Variants in BIRC6 observed in about 807,000 individuals in gnomAD.
The protein encoded by BIRC6 is dual E2 ubiquitin-conjugating enzyme/E3 ubiquitin-protein ligase BIRC6.
A neutral mutation model predicts 503.3 loss-of-function variants in BIRC6; 98 were observed. The observed-to-expected ratio is 0.19, with a 90% CI of 0.17 to 0.23. The LOEUF (loss-of-function observed/expected upper bound fraction) is 0.23, where lower values mean the gene tolerates loss of function less well. BIRC6 is among the 10% of genes least tolerant of loss of function. The pLI, the probability that BIRC6 is intolerant of heterozygous loss-of-function variation, is 1.00. For missense variants in BIRC6, 5,360 were observed against 5,806.0 expected, an observed-to-expected ratio of 0.92 and a Z score of 2.50; for synonymous variants, 2,240 against 2,078.7, an observed-to-expected ratio of 1.08 and a Z score of -2.11.
At chr2:32,418,913 A>C (rs1417367394) in intron 10 of BIRC6, among the ~76,000 whole-genome samples, 1 of 152,124 alleles carries the variant, frequency 6.6e-6, no homozygotes, top group African/African-American at 2.4e-5. Flanking sequence ...GCGTCACTTC[A>C]CTCCAGCCTA....
intron 45 of BIRC6, among the ~76,000 whole-genome samples, chr2:32,496,455 C>G (rs185654071): frequency 2.6e-5 from 4 of 152,130 alleles, no homozygotes; most frequent in African/African-American, 9.7e-5. Flanking sequence ...AACTCCTGGC[C>G]TCAAGAGATC....
chr2:32,460,191 G>A (rs1336086820), intron 23 of BIRC6, among the ~76,000 whole-genome samples: 3 of 119,618 alleles, frequency 2.5e-5, no homozygotes, highest in East Asian at 4.8e-4. Flanking sequence ...TATCTCATAT[G>A]TGATATATAT....
At chr2:32,428,427 T>C (rs1275225171) in intron 10 of BIRC6, among the ~76,000 whole-genome samples, 1 of 152,218 alleles carries the variant, frequency 6.6e-6, no homozygotes, top group African/African-American at 2.4e-5. Context: ...AACTGGACGC[T>C]CTCCATCAAT....
intron 50 of BIRC6, among the ~76,000 whole-genome samples, chr2:32,507,563 T>C (rs1304255862): frequency 3.9e-5 from 6 of 152,346 alleles, no homozygotes; most frequent in East Asian, 1.9e-4. Context: ...ATTACATTTT[T>C]CCCCAAATTA....
chr2:32,405,977 T>A (rs1265807644), intron 8 of BIRC6, among the ~76,000 whole-genome samples: 1 of 152,248 alleles, frequency 6.6e-6, no homozygotes, highest in East Asian at 1.9e-4. Flanking sequence ...TAGGCATTTA[T>A]TTAATGATTT....
intron 33 of BIRC6, among the ~76,000 whole-genome samples, chr2:32,474,490 G>T (rs1035311934): frequency 2.6e-5 from 4 of 152,132 alleles, no homozygotes; most frequent in South Asian, 4.1e-4. Flanking sequence ...GGGACAGTTG[G>T]CAAAACTTAA....
At chr2:32,435,918 A>G (rs564951710) in intron 14 of BIRC6, 135 bp from the exon 15 acceptor site, 4 of 543,624 alleles carry the variant, frequency 7.4e-6, no homozygotes, top group Non-Finnish European at 1.2e-5. Flanking sequence ...TTAGCATGAC[A>G]ATTCTTATTT....
At chr2:32,608,020 T>C (rs900031167) in intron 72 of BIRC6, among the ~76,000 whole-genome samples, 1 of 149,244 alleles carries the variant, frequency 6.7e-6, no homozygotes, top group African/African-American at 2.5e-5. Context: ...AAATATAGTT[T>C]GTTAGTATTC....
chr2:32,468,300 A>AT (rs2048772883), intron 28 of BIRC6, 137 bp from the exon 29 acceptor site: 1 of 941,056 alleles, frequency 1.1e-6, no homozygotes, highest in South Asian at 1.8e-5. Flanking sequence ...GGCTCCATTT[A>AT]TTAGTACCTA....
intron 41 of BIRC6, 136 bp downstream of exon 41, chr2:32,487,937 T>G: frequency 1.4e-6 from 1 of 694,648 alleles, no homozygotes; most frequent in Non-Finnish European, 2.4e-6. Context: ...ATATTAGAAA[T>G]ACTTTGATTA....
intron 66 of BIRC6, among the ~76,000 whole-genome samples, chr2:32,584,882 A>G (rs887811101): frequency 2.6e-4 from 40 of 152,128 alleles, no homozygotes; most frequent in African/African-American, 9.4e-4. Context: ...TCCTGTAACC[A>G]TAAACGTTTT....
intron 61 of BIRC6, among the ~76,000 whole-genome samples, chr2:32,533,935 TAC>T (rs1288266120): frequency 6.6e-6 from 1 of 152,216 alleles, no homozygotes; most frequent in East Asian, 1.9e-4. Flanking sequence ...AGAAAACTAA[TAC>T]AGAGTTTGGT....
intron 22 of BIRC6, among the ~76,000 whole-genome samples, chr2:32,452,227 A>T (rs1328157812): frequency 2.0e-5 from 3 of 152,198 alleles, no homozygotes. Context: ...AGGTAGGAGA[A>T]TCCAAGTATC....
chr2:32,417,917 C>G (rs1427464508), intron 10 of BIRC6, among the ~76,000 whole-genome samples: 3 of 152,078 alleles, frequency 2.0e-5, no homozygotes, highest in African/African-American at 7.2e-5. Flanking sequence ...GTAGCTGGGA[C>G]CACAGGTGCG....
At chr2:32,578,962 C>A in intron 66 of BIRC6, among the ~76,000 whole-genome samples, 1 of 39,528 alleles carries the variant, frequency 2.5e-5, no homozygotes, top group East Asian at 3.2e-4. Flanking sequence ...TAGTTTACTA[C>A]TTATTTTTAT....
chr2:32,376,576 A>AT (rs979888501), intron 1 of BIRC6, among the ~76,000 whole-genome samples: 27 of 152,098 alleles, frequency 1.8e-4, no homozygotes, highest in African/African-American at 5.8e-4. Context: ...TGTTTTCTTA[A>AT]TTTTTTAGAT....
At chr2:32,449,003 T>A (rs2046384526) in intron 22 of BIRC6, 75 bp downstream of exon 22, 1 of 1,397,930 alleles carries the variant, frequency 7.2e-7, no homozygotes, top group Admixed American at 2.1e-5. Context: ...CTTAATAGAT[T>A]ATAGTCATGA....
In BIRC6 at chr2:32,442,552, G is replaced by A. The variant is rs1401287983; in HGVS notation, c.4238+97G>A. 4.6e-6 allele frequency: 6 copies of A among 1,292,360 alleles called. No homozygotes were observed. In the South Asian group the frequency reaches 5.3e-5, roughly 11 times the overall value. 80.1% of individuals were successfully genotyped at this position (1,292,360 alleles called of 1,614,324 possible). A position where few individuals can be genotyped will look rare whatever the true frequency, so the allele number is the denominator to read the frequency against. On this transcript the variant is annotated intron_variant, in intron 19 of 73. Coordinates refer to ENST00000421745, the MANE Select transcript of BIRC6 (RefSeq NM_016252.4). ...TAGTGTGATTTGATCCTTGTTTAATGTATGTATAATTTAAGAGAATTTCAA... is the reference window on the plus strand; with the variant it reads ...TAGTGTGATTTGATCCTTGTTTAATATATGTATAATTTAAGAGAATTTCAA...
At chr2:32,514,953 T>C (rs1044421597) in intron 54 of BIRC6, 37 bp from the exon 55 acceptor site, 4 of 1,461,726 alleles carry the variant, frequency 2.7e-6, no homozygotes, top group Non-Finnish European at 3.8e-6. Flanking sequence ...TCTAAAAATA[T>C]ACTTGTATCA....
Sources: gnomAD v4.1 joint callset for allele counts (sites outside exome capture counted in the v4.1 genomes callset) on GRCh38, gnomAD v4.1.1 for gene constraint, MANE v1.5 for transcripts, NCBI Gene and HGNC (gene_info 2026-07-23, HGNC 2026-07-21) for gene names.